The following MACO1 variants were observed in gnomAD, a reference collection of about 807,000 sequenced individuals.
The protein encoded by MACO1 is macoilin.
Under a neutral mutation model 78.7 loss-of-function variants are expected in MACO1, and 14 were observed. That is an observed-to-expected ratio of 0.18 (90% CI 0.12 to 0.28). The LOEUF (loss-of-function observed/expected upper bound fraction) is 0.28, where lower values mean the gene tolerates loss of function less well. MACO1 is among the 10% of genes least tolerant of loss of function. The pLI, the probability that MACO1 is intolerant of heterozygous loss-of-function variation, is 1.00. For missense variants in MACO1, 501 were observed against 799.0 expected (o/e 0.63, Z 4.50); for synonymous variants, 288 against 291.6 (o/e 0.99, Z 0.12).
At chr1:25,467,833 C>A (rs2043232996) in intron 6 of MACO1, among the ~76,000 whole-genome samples, 1 of 150,202 alleles carries the variant, frequency 6.7e-6, no homozygotes, top group Non-Finnish European at 1.5e-5. Context: ...AGTAAATGAA[C>A]CCTAGAAGAT....
At chr1:25,477,403 T>G (rs540728102) in intron 6 of MACO1, among the ~76,000 whole-genome samples, 2 of 152,322 alleles carry the variant, frequency 1.3e-5, no homozygotes, top group Non-Finnish European at 2.9e-5. Context: ...CTGTATAATT[T>G]GGAGATGACT....
chr1:25,485,848 C>G lies in MACO1; in HGVS notation c.1496+53C>G, dbSNP rs2043425747. On this transcript the variant is annotated intron_variant, in intron 8 of 10. Transcript: ENST00000374343. This position sits in a 1 kb window ranked among gnomAD's most constrained non-coding sequence, Gnocchi z 4.3. ...TCCAAGGTTGGCTTTCCTTTACCAA[C>G]AAAGACATGGGAATTTGGTGCCTTG... 31 of 1,559,028 alleles carry G rather than the reference C, an allele frequency of 2.0e-5. No individual in the cohort carries two copies. The highest frequency in any genetic ancestry group is 2.5e-5 in the Non-Finnish European group (29 of 1,152,364).
At chr1:25,466,166 C>A (rs574512888) in intron 6 of MACO1, among the ~76,000 whole-genome samples, 4 of 152,274 alleles carry the variant, frequency 2.6e-5, no homozygotes, top group African/African-American at 9.6e-5. Flanking sequence ...GTTTTACTTA[C>A]AATTCTTTGA....
chr1:25,440,870 A>G (rs1236609316), intron 1 of MACO1, among the ~76,000 whole-genome samples: 1 of 152,126 alleles, frequency 6.6e-6, no homozygotes, highest in Non-Finnish European at 1.5e-5. Context: ...CTGGCTTACT[A>G]GAAGATACTT....
intron 1 of MACO1, among the ~76,000 whole-genome samples, chr1:25,446,524 AGTAGAATTAAGCGTTTTTG>A (rs2043016666): frequency 6.6e-6 from 1 of 152,172 alleles, no homozygotes. Flanking sequence ...TTCCATCTTA[AGTAGAATTAAGCGTTTTTG>A]GTATCATCTT....
chr1:25,491,686 T>G, intron 10 of MACO1, 102 bp downstream of exon 10: 2 of 958,676 alleles, frequency 2.1e-6, no homozygotes, highest in Non-Finnish European at 3.1e-6. Flanking sequence ...GGCATTTCAG[T>G]TTTCTCTTCA....
chr1:25,447,768 A>G (rs2043029015), intron 2 of MACO1, among the ~76,000 whole-genome samples: 1 of 152,186 alleles, frequency 6.6e-6, no homozygotes, highest in African/African-American at 2.4e-5. Flanking sequence ...GATCTCAAAG[A>G]CACCCCAGAA....
intron 6 of MACO1, among the ~76,000 whole-genome samples, chr1:25,464,864 G>A (rs1220729031): frequency 6.6e-6 from 1 of 151,736 alleles, no homozygotes; most frequent in Admixed American, 6.6e-5. Context: ...TAGTAGAGAT[G>A]GGGTTTCACC....
intron 6 of MACO1, among the ~76,000 whole-genome samples, chr1:25,464,432 C>T (rs1018175474): frequency 3.4e-5 from 5 of 146,838 alleles, no homozygotes; most frequent in East Asian, 2.1e-4. Context: ...GCAACCTCCA[C>T]CTCCCAGGTT....
intron 6 of MACO1, among the ~76,000 whole-genome samples, chr1:25,471,404 T>C (rs559514085): frequency 2.6e-5 from 4 of 151,944 alleles, no homozygotes; most frequent in Middle Eastern, 3.4e-3. Context: ...GCACAGAAAA[T>C]TACTTGAAAT....
At chr1:25,452,520 A>G (rs559002363) in intron 3 of MACO1, among the ~76,000 whole-genome samples, 31 of 152,206 alleles carry the variant, frequency 2.0e-4, no homozygotes, top group Non-Finnish European at 3.2e-4. Flanking sequence ...TCTTTGTCCT[A>G]CAACTTGTTC....
In MACO1 at chr1:25,498,483, G is replaced by T. The variant is rs568833270; in HGVS notation, c.*17G>T. 2 of 1,572,242 alleles carry T rather than the reference G, an allele frequency of 1.3e-6. No homozygotes were observed. Among genetic ancestry groups the T allele is most frequent in the East Asian group, 4.5e-5 (2 of 44,524 alleles). ...AAGAAATGAAGGCCAGCTGTGTGTT[G>T]TGCCCAAAAATTTGGTTACCGGAAG... On this transcript the variant is annotated 3_prime_UTR_variant, in exon 11 of 11. Transcript: ENST00000374343.
At chr1:25,455,031 GAA>G (rs2043107594) in intron 4 of MACO1, among the ~76,000 whole-genome samples, 1 of 152,130 alleles carries the variant, frequency 6.6e-6, no homozygotes, top group African/African-American at 2.4e-5. Context: ...AAAAGGAACT[GAA>G]GTGATACATG....
intron 1 of MACO1, among the ~76,000 whole-genome samples, chr1:25,439,255 G>A (rs754045964): frequency 1.7e-4 from 26 of 152,012 alleles, no homozygotes; most frequent in Non-Finnish European, 7.4e-5. Context: ...AAATAGCCAG[G>A]CATGGTGGCT....
At chr1:25,473,131 G>A (rs2043288835) in intron 6 of MACO1, among the ~76,000 whole-genome samples, 1 of 151,894 alleles carries the variant, frequency 6.6e-6, no homozygotes, top group Non-Finnish European at 1.5e-5. Flanking sequence ...TACTTTGTCG[G>A]ACCTGATTAA....
chr1:25,438,190 T>C (rs2042936237), intron 1 of MACO1, among the ~76,000 whole-genome samples: 1 of 152,056 alleles, frequency 6.6e-6, no homozygotes, highest in Non-Finnish European at 1.5e-5. Context: ...GTGTGGAGTC[T>C]ATGGGGTTGA....
intron 5 of MACO1, among the ~76,000 whole-genome samples, 183 bp from the exon 6 acceptor site, chr1:25,458,208 A>G (rs759764720): frequency 5.3e-5 from 8 of 152,056 alleles, no homozygotes; most frequent in Non-Finnish European, 7.4e-5. Flanking sequence ...ATTTTCTTCT[A>G]TTTTTTCCTA....
intron 3 of MACO1, among the ~76,000 whole-genome samples, chr1:25,450,678 ACT>A (rs1315933962): frequency 6.6e-6 from 1 of 152,068 alleles, no homozygotes; most frequent in African/African-American, 2.4e-5. Flanking sequence ...CATGTTTCAC[ACT>A]CTTTCATATC....
chr1:25,490,884 T>G (rs886440933), intron 9 of MACO1, among the ~76,000 whole-genome samples: 1 of 152,234 alleles, frequency 6.6e-6, no homozygotes, highest in Admixed American at 6.5e-5. Flanking sequence ...AATTTTCATT[T>G]TCTTCTTTGA....
Sources: gnomAD v4.1 joint callset for allele counts (sites outside exome capture counted in the v4.1 genomes callset) on GRCh38, gnomAD v4.1.1 for gene constraint, Gnocchi (gnomAD v3.1) non-coding constraint, MANE v1.5 for transcripts, NCBI Gene and HGNC (gene_info 2026-07-23, HGNC 2026-07-21) for gene names.